Variants in RNGTT observed in about 807,000 individuals in gnomAD.
RNGTT encodes the protein RNA guanylyltransferase and 5'-phosphatase.
Under a neutral mutation model 79.3 loss-of-function variants are expected in RNGTT, and 33 were observed. The observed-to-expected ratio is 0.42, with a 90% CI of 0.32 to 0.56. RNGTT has a LOEUF of 0.56. Ranked by LOEUF, RNGTT falls within the 20% of genes least tolerant of loss-of-function variation. RNGTT has a pLI of 0.17. For synonymous variants in RNGTT, 222 were observed against 235.9 expected (o/e 0.94, Z 0.54); for missense variants, 497 against 739.1 (o/e 0.67, Z 3.80).
intron 9 of RNGTT, 86 bp from the exon 10 acceptor site, chr6:88,849,912 G>A: frequency 8.0e-7 from 1 of 1,244,818 alleles, no homozygotes. Flanking sequence ...CACACAGTAA[G>A]CACATAAACC....
At chr6:88,653,832 A>C (rs1773881207) in intron 14 of RNGTT, among the ~76,000 whole-genome samples, 2 of 152,234 alleles carry the variant, frequency 1.3e-5, no homozygotes, top group South Asian at 4.1e-4. Context: ...CTAAATGCTG[A>C]GGATACAGAA....
chr6:88,700,562 G>T (rs774318399), intron 13 of RNGTT, among the ~76,000 whole-genome samples: 12 of 152,042 alleles, frequency 7.9e-5, no homozygotes, highest in Non-Finnish European at 1.5e-4. Context: ...GTCAGGAAAG[G>T]TTATTATGAA....
chr6:88,882,056 T>A (rs1425249339), intron 8 of RNGTT, among the ~76,000 whole-genome samples: 1 of 152,208 alleles, frequency 6.6e-6, no homozygotes, highest in African/African-American at 2.4e-5. Context: ...CTCAACAGCC[T>A]GTCCACATCC....
intron 11 of RNGTT, among the ~76,000 whole-genome samples, chr6:88,813,591 T>C (rs2127873253): frequency 6.6e-6 from 1 of 152,310 alleles, no homozygotes; most frequent in Admixed American, 6.5e-5. Flanking sequence ...ATAATTACCA[T>C]ATACAGTAGG....
At chr6:88,804,271 T>A (rs970623462) in intron 11 of RNGTT, among the ~76,000 whole-genome samples, 4 of 152,176 alleles carry the variant, frequency 2.6e-5, no homozygotes, top group African/African-American at 4.8e-5. Flanking sequence ...CTAAATAAAG[T>A]CTTATGACTC....
intron 14 of RNGTT, among the ~76,000 whole-genome samples, chr6:88,664,238 G>A (rs1053074464): frequency 1.9e-4 from 29 of 152,170 alleles, no homozygotes; most frequent in African/African-American, 7.0e-4. Context: ...CAAGGTCTCC[G>A]AGGTTATCCA....
intron 12 of RNGTT, among the ~76,000 whole-genome samples, chr6:88,784,173 T>C (rs1335468933): frequency 6.6e-6 from 1 of 152,096 alleles, no homozygotes; most frequent in African/African-American, 2.4e-5. Context: ...GTTAAGTAGC[T>C]ACAAGAGAAA....
At chr6:88,759,502 C>T (rs1778135007) in intron 13 of RNGTT, among the ~76,000 whole-genome samples, 1 of 152,114 alleles carries the variant, frequency 6.6e-6, no homozygotes, top group Non-Finnish European at 1.5e-5. Flanking sequence ...TTATGTGTAT[C>T]ACATATTACA....
At chr6:88,644,693 T>C (rs1412186558) in intron 14 of RNGTT, among the ~76,000 whole-genome samples, 3 of 152,204 alleles carry the variant, frequency 2.0e-5, no homozygotes, top group Non-Finnish European at 1.5e-5. Context: ...CAAGGCTGGT[T>C]CAACATACGC....
chr6:88,792,418 T>C (rs1413930725), intron 12 of RNGTT, among the ~76,000 whole-genome samples: 3 of 152,168 alleles, frequency 2.0e-5, no homozygotes, highest in East Asian at 1.9e-4. Context: ...AAAAAGGAAA[T>C]TGATGACAAT....
intron 14 of RNGTT, among the ~76,000 whole-genome samples, chr6:88,639,495 A>G (rs1200937012): frequency 6.6e-6 from 1 of 152,182 alleles, no homozygotes; most frequent in Non-Finnish European, 1.5e-5. Context: ...GGCAGTTTAC[A>G]AGCACTTGCC....
intron 8 of RNGTT, among the ~76,000 whole-genome samples, chr6:88,869,213 A>C (rs948091387): frequency 6.6e-6 from 1 of 152,242 alleles, no homozygotes. Context: ...ATTTACTGGT[A>C]TCAAACATAA....
Position 88,844,396 on chromosome 6 carries a change from G to C in RNGTT, c.1230C>G (p.Val410=). Residue 410 remains valine (V), a synonymous_variant, in exon 11 of 16, where the codon GTC becomes GTG. Transcript: ENST00000369485. ...LIDKTQEPFS[V]RNKPFFDICT... ...AGATGTCAAAAAACGGCTTATTTCT[G>C]ACGCTAAATGGTTCCTGTGTTTTGT... 6.2e-7 allele frequency: 1 copy of C among 1,613,398 alleles called. No individual in the cohort carries two copies. Among genetic ancestry groups the C allele is most frequent in the Non-Finnish European group, 8.5e-7 (1 of 1,179,830 alleles).
chr6:88,871,546 A>G (rs979597099), intron 8 of RNGTT, among the ~76,000 whole-genome samples: 2 of 152,138 alleles, frequency 1.3e-5, no homozygotes, highest in African/African-American at 4.8e-5. Context: ...GCTAGATTAG[A>G]TTAGATTATA....
chr6:88,749,327 A>G (rs941356712), intron 13 of RNGTT, among the ~76,000 whole-genome samples: 2 of 152,182 alleles, frequency 1.3e-5, no homozygotes, highest in African/African-American at 2.4e-5. Context: ...AAGAAATACA[A>G]ACGTAACTTG....
intron 8 of RNGTT, among the ~76,000 whole-genome samples, chr6:88,860,343 A>G (rs1781971671): frequency 6.6e-6 from 1 of 152,204 alleles, no homozygotes. Context: ...GAAACGATGG[A>G]CACCATGAGT....
At chr6:88,906,858 T>C (rs1783671231) in intron 4 of RNGTT, among the ~76,000 whole-genome samples, 1 of 152,174 alleles carries the variant, frequency 6.6e-6, no homozygotes, top group African/African-American at 2.4e-5. Context: ...TCATGATCAA[T>C]GGCATATATT....
In RNGTT at chr6:88,904,791, T is replaced by G. The variant is rs1170541335; in HGVS notation, c.608A>C (p.Asp203Ala). The G allele has an allele frequency of 6.2e-7, 1 of 1,613,974 alleles. No individual in the cohort carries two copies. Among genetic ancestry groups the G allele is most frequent in the Non-Finnish European group, 8.5e-7 (1 of 1,180,020 alleles). The change falls in exon 6 of 16, where the codon GAT becomes GCT. Residue 203 changes from aspartate to alanine, a missense_variant. Asp to Ala is a moderately radical substitution (Grantham distance 126). This residue lies in a region of RNGTT where 440 missense variants were observed against 671.5 expected (regional missense o/e 0.66). Transcript: ENST00000369485. ...CFEDDEDEDE[D>A]EDGKKESEPG... ...TTCTGATTCCTTCTTTCCATCCTCA[T>G]CCTCATCTTCGTCTTCATCATCCTC... is the stretch of plus-strand genomic sequence containing the variant.
intron 11 of RNGTT, among the ~76,000 whole-genome samples, chr6:88,835,587 A>G (rs139646977): frequency 6.6e-6 from 1 of 152,294 alleles, no homozygotes; most frequent in East Asian, 1.9e-4. Context: ...ATATACACAG[A>G]TAACCTATTC....
Sources: allele counts gnomAD v4.1 joint callset (sites outside exome capture counted in the v4.1 genomes callset), GRCh38; gene constraint gnomAD v4.1.1; regional missense constraint gnomAD v4.1.1; transcripts MANE v1.5; gene names NCBI Gene and HGNC (gene_info 2026-07-23, HGNC 2026-07-21).